Variants in KIF23 observed in about 807,000 individuals in gnomAD.
KIF23 encodes kinesin family member 23, also known as kinesin-like protein KIF23.
Under a neutral mutation model 137.5 loss-of-function variants are expected in KIF23, and 30 were observed. The ratio of observed to expected loss-of-function variants is 0.22; its 90% CI spans 0.16 to 0.30. KIF23 has a LOEUF of 0.30. Ranked by LOEUF, KIF23 falls within the 10% of genes least tolerant of loss-of-function variation. KIF23 has a pLI of 1.00. For missense variants in KIF23, 920 were observed against 1,194.3 expected (o/e 0.77, Z 3.38); for synonymous variants, 367 against 391.1 (o/e 0.94, Z 0.73).
In KIF23 at chr15:69,416,015, A is replaced by G. The variant is rs61751118; in HGVS notation, c.33A>G (p.Lys11=). The G allele has an allele frequency of 6.3e-7, 1 of 1,580,226 alleles. No individual in the cohort carries two copies. Among genetic ancestry groups the G allele is most frequent in the Non-Finnish European group, 8.5e-7 (1 of 1,170,300 alleles). Residue 11 remains lysine, a synonymous_variant, in exon 2 of 24, where the codon AAA becomes AAG. Coordinates refer to ENST00000679126, the MANE Select transcript of KIF23 (RefSeq NM_001367805.3). ...CCAGGAGAGCTAAGACACCCCGGAA[A>G]CCTACCGTGAAAAAAGGGTCCCAAA... The part of the protein sequence containing the change: MKSARAKTPR[K]PTVKKGSQTN...
At chr15:69,430,039 A>T (rs1327585779) in intron 11 of KIF23, among the ~76,000 whole-genome samples, 1 of 151,596 alleles carries the variant, frequency 6.6e-6, no homozygotes, top group Non-Finnish European at 1.5e-5. Context: ...ACAAAAAAGG[A>T]CTCTATTTTT....
rs966339439 is a variant in KIF23, at chr15:69,448,377, T to C, written c.*570T>C. The C allele has an allele frequency of 1.3e-5, 2 of 152,596 alleles. No individual in the cohort carries two copies. Among genetic ancestry groups the C allele is most frequent in the African/African-American group, 4.8e-5 (2 of 41,468 alleles). 9.5% of individuals were successfully genotyped at this position (152,596 alleles called of 1,614,324 possible). ...ATTCTGTATGTATATATTCACTTTC[T>C]GACATTTAGATATGCCAAAAGAATT... On this transcript the variant is annotated 3_prime_UTR_variant, in exon 24 of 24. Coordinates refer to ENST00000679126, the MANE Select transcript of KIF23 (RefSeq NM_001367805.3).
At position 69,445,061 on chromosome 15, in the gene KIF23, A is replaced by G; in HGVS notation, c.2673+20A>G. 6.3e-7 allele frequency: 1 copy of G among 1,589,230 alleles called. No homozygotes were observed. On this transcript the variant is annotated intron_variant, in intron 20 of 23. Transcript: ENST00000679126. ...ATTAAGGTAAAAAACTAATTTTCAC[A>G]GGAGAAAAAAATATATTTAAAAATT...
chr15:69,435,502 A>G lies in KIF23; in HGVS notation c.1134A>G (p.Leu378=), dbSNP rs1475817360. ...TGTCAGGTAATATTAATCAGTCACTAATGACGCTAAGAACATGTATGGATG... is the reference window on the plus strand; with the variant it reads ...TGTCAGGTAATATTAATCAGTCACTGATGACGCTAAGAACATGTATGGATG... The part of the protein sequence containing the change: ...LREAGNINQS[L]MTLRTCMDVL... Residue 378 remains leucine (L), a synonymous_variant, in exon 12 of 24, where the codon CTA becomes CTG. Coordinates refer to ENST00000679126, the MANE Select transcript of KIF23 (RefSeq NM_001367805.3). The G allele has an allele frequency of 6.2e-7, 1 of 1,613,830 alleles. No homozygotes were observed. The highest frequency in any genetic ancestry group is 8.5e-7 in the Non-Finnish European group (1 of 1,179,776).
At chr15:69,431,136 G>A (rs1393948822) in intron 11 of KIF23, among the ~76,000 whole-genome samples, 4 of 152,232 alleles carry the variant, frequency 2.6e-5, no homozygotes, top group African/African-American at 9.6e-5. Context: ...GTTAGGATGT[G>A]GAGAATAAGG....
rs183788539 is a variant in KIF23 at position 69,434,677 on chromosome 15, C to T, written c.1115-806C>T. The T allele has an allele frequency of 6.0e-5, 89 of 1,479,282 alleles. 1 individual carries two copies. Among genetic ancestry groups the T allele is most frequent in the South Asian group, 1.3e-4 (11 of 86,948 alleles). The allele number at this position is 1,479,282 out of a possible 1,614,324, so 91.6% of individuals were successfully genotyped here. A position where few individuals can be genotyped will look rare whatever the true frequency, so the allele number is the denominator to read the frequency against. The stretch of plus-strand genomic sequence containing the variant: ...ATGTCTCACCCTCCTGTCTTGAGTT[C>T]GCCGTTGACCTTGAGCCAGAGCCTC... On this transcript the variant is annotated intron_variant, in intron 11 of 23. Coordinates refer to ENST00000679126, the MANE Select transcript of KIF23 (RefSeq NM_001367805.3).
intron 11 of KIF23, 70 bp from the exon 12 acceptor site, chr15:69,435,413 G>C: frequency 8.2e-7 from 1 of 1,224,946 alleles, no homozygotes; most frequent in Non-Finnish European, 1.2e-6. Flanking sequence ...AGATTTTATA[G>C]GCAAACAGAA....
At chr15:69,443,345 T>G (rs969395070) in intron 19 of KIF23, among the ~76,000 whole-genome samples, 3 of 133,634 alleles carry the variant, frequency 2.2e-5, no homozygotes, top group African/African-American at 5.6e-5. Flanking sequence ...TTTTTTTTTT[T>G]TTTTTTTTTT....
chr15:69,441,090 G>A lies in KIF23; in HGVS notation c.2421+11G>A, dbSNP rs1490180361. 1 of 1,590,574 alleles carries A rather than the reference G, an allele frequency of 6.3e-7. No homozygotes were observed. On this transcript the variant is annotated intron_variant, in intron 19 of 23. Coordinates refer to ENST00000679126, the MANE Select transcript of KIF23 (RefSeq NM_001367805.3). ...GATCATTGCGGCAGGGTTAGTGCCA[G>A]TATTATTTTAACGCATTGTAGCAAT...
chr15:69,442,908 T>C (rs1348389396), intron 19 of KIF23, among the ~76,000 whole-genome samples: 1 of 152,234 alleles, frequency 6.6e-6, no homozygotes, highest in Non-Finnish European at 1.5e-5. Context: ...AATTTATACT[T>C]CAGTGAGGAA....
Position 69,435,064 on chromosome 15 carries a change from G to A in KIF23, c.1115-419G>A, listed in dbSNP as rs898387873. On this transcript the variant is annotated intron_variant, in intron 11 of 23. Coordinates refer to ENST00000679126, the MANE Select transcript of KIF23 (RefSeq NM_001367805.3). ...CCCCATAGTTCCTCCCCACACAGAC[G>A]ATATTCTTCCCCCACCCCCAGAAGC... 11 of 505,592 alleles carry A rather than the reference G, an allele frequency of 2.2e-5. No individual in the cohort carries two copies. The East Asian group carries it at 3.0e-4, about 14-fold the overall frequency. The allele number at this position is 505,592 out of a possible 1,614,324, so 31.3% of individuals were successfully genotyped here.
At position 69,419,906 on chromosome 15, in the gene KIF23, A is replaced by C. The variant is rs147900955; in HGVS notation, c.211-1741A>C. Among the ~76,000 whole-genome samples the C allele has an allele frequency of 2.0e-3, 307 of 152,316 alleles. 2 individuals carry two copies. The highest frequency in any genetic ancestry group is 7.1e-3 in the African/African-American group (294 of 41,564). ...TATCGAGTAGGTATCGAGTAGGTAT[A>C]AAAAGGTTTGATGGGGATTAAAAAT... On this transcript the variant is annotated intron_variant, in intron 3 of 23. Coordinates refer to ENST00000679126, the MANE Select transcript of KIF23 (RefSeq NM_001367805.3).
intron 1 of KIF23, chr15:69,414,688 C>T: frequency 2.2e-6 from 1 of 448,896 alleles, no homozygotes; most frequent in Non-Finnish European, 3.7e-6. Flanking sequence ...CCGCGTCGCC[C>T]CCCGCCGCCC....
chr15:69,435,529 C>T lies in KIF23; in HGVS notation c.1161C>T (p.Val387=), dbSNP rs2057456473. 6.2e-7 allele frequency: 1 copy of T among 1,613,932 alleles called. No homozygotes were observed. The highest frequency in any genetic ancestry group is 1.1e-5 in the South Asian group (1 of 91,076). The change falls in exon 12 of 24, where the codon GTC becomes GTT. Residue 387 remains valine, a synonymous_variant. Coordinates refer to ENST00000679126, the MANE Select transcript of KIF23 (RefSeq NM_001367805.3). ...TGACGCTAAGAACATGTATGGATGT[C>T]CTAAGAGAGAACCAAATGTATGGAA... ...SLMTLRTCMD[V]LRENQMYGTN...
At chr15:69,414,616 A>AC in intron 1 of KIF23, 140 bp downstream of exon 1, 2 of 972,760 alleles carry the variant, frequency 2.1e-6, no homozygotes, top group South Asian at 5.3e-5. Flanking sequence ...TGCGGCCGCG[A>AC]CCCCAAAGTG....
chr15:69,446,802 G>C (rs1268368994), intron 22 of KIF23, 69 bp from the exon 23 acceptor site: 2 of 1,401,406 alleles, frequency 1.4e-6, no homozygotes, highest in East Asian at 2.3e-5. Context: ...TGTGGAGCCT[G>C]CTAAATAACT....
Position 69,440,347 on chromosome 15 carries a change from A to C in KIF23, c.1969A>C (p.Lys657Gln). ...VAAKQLEMQN[K>Q]LWVKDEKLKQ... The stretch of plus-strand genomic sequence containing the variant: ...AGCCAAACAGCTGGAGATGCAGAAT[A>C]AACTCTGGGTTAAAGATGAAAAGCT... The change falls in exon 18 of 24, where the codon AAA (lysine) becomes CAA (glutamine). Residue 657 changes from lysine (K) to glutamine (Q), a missense_variant. Coordinates refer to ENST00000679126, the MANE Select transcript of KIF23 (RefSeq NM_001367805.3). The C allele has an allele frequency of 1.2e-6, 2 of 1,613,940 alleles. No individual in the cohort carries two copies. Among genetic ancestry groups the C allele is most frequent in the Non-Finnish European group, 1.7e-6 (2 of 1,179,974 alleles).
rs2057079546 is a variant in KIF23, at chr15:69,422,402, A to G, written c.530A>G (p.Glu177Gly). The change falls in exon 6 of 24, where the codon GAA (glutamate) becomes GGA (glycine). Residue 177 changes from glutamate (E) to glycine (G), a missense_variant. This residue lies in a region of KIF23 where 714 missense variants were observed against 866.2 expected (regional missense o/e 0.82). Transcript: ENST00000679126. Reference sequence around the variant, plus strand: ...GCCTTATTAGAACGTCAGAAAAGAGAAGCTATGCCCAATCCAAAGACTTCT... The same window carrying G: ...GCCTTATTAGAACGTCAGAAAAGAGGAGCTATGCCCAATCCAAAGACTTCT... ...VDALLERQKR[E>G]AMPNPKTSSS... The G allele has an allele frequency of 3.1e-6, 5 of 1,605,982 alleles. No individual in the cohort carries two copies. Among genetic ancestry groups the G allele is most frequent in the Non-Finnish European group, 4.3e-6 (5 of 1,172,706 alleles).
At chr15:69,440,641 C>A in intron 18 of KIF23, 127 bp from the exon 19 acceptor site, 1 of 1,116,674 alleles carries the variant, frequency 9.0e-7, no homozygotes, top group Non-Finnish European at 1.2e-6. Context: ...ACAAATTTAG[C>A]ACAAAAAAAT....
Sources: allele counts gnomAD v4.1 joint callset (sites outside exome capture counted in the v4.1 genomes callset), GRCh38; gene constraint gnomAD v4.1.1; regional missense constraint gnomAD v4.1.1; transcripts MANE v1.5; gene names NCBI Gene and HGNC (gene_info 2026-07-23, HGNC 2026-07-21).